Variants in SLC1A7 observed in about 807,000 individuals in gnomAD.
The protein encoded by SLC1A7 is solute carrier family 1 member 7.
In SLC1A7, 40 loss-of-function variants were observed where a neutral mutation model predicts 47.7. That is an observed-to-expected ratio of 0.84 (90% CI 0.65 to 1.09). The LOEUF (loss-of-function observed/expected upper bound fraction) is 1.09, where lower values mean the gene tolerates loss of function less well. Among genes scored for constraint, SLC1A7 ranks in the 50% least tolerant of loss-of-function variants. The pLI is 0.00. For missense variants in SLC1A7, 746 were observed against 769.5 expected, an observed-to-expected ratio of 0.97 and a Z score of 0.36; for synonymous variants, 323 against 325.6, an observed-to-expected ratio of 0.99 and a Z score of 0.09.
In SLC1A7 at chr1:53,127,951, G is replaced by A. The variant is rs182058084; in HGVS notation, c.215+6399C>T. On this transcript the variant is annotated intron_variant, in intron 2 of 10. Transcript: ENST00000371494. ...CTGAGCAGAGGACTCAGCCAAGCCCGCCCAGACTGCTGGCCCAGGGACTGA... is the reference window on the plus strand; with the variant it reads ...CTGAGCAGAGGACTCAGCCAAGCCCACCCAGACTGCTGGCCCAGGGACTGA... Among the ~76,000 whole-genome samples the A allele has an allele frequency of 1.9e-4, 29 of 152,312 alleles. No individual in the cohort carries two copies. In the East Asian group the frequency reaches 1.9e-3, roughly 10 times the overall value.
At chr1:53,121,471 C>CAGT (rs1264021220) in intron 2 of SLC1A7, among the ~76,000 whole-genome samples, 1 of 152,218 alleles carries the variant, frequency 6.6e-6, no homozygotes, top group Non-Finnish European at 1.5e-5. Flanking sequence ...ATGTCCTGGG[C>CAGT]AGTAGAGAGG....
chr1:53,109,929 G>A (rs1332596124), intron 3 of SLC1A7, among the ~76,000 whole-genome samples: 1 of 152,192 alleles, frequency 6.6e-6, no homozygotes, highest in Non-Finnish European at 1.5e-5. Context: ...GGAAGTGACT[G>A]TGCTCCTCCC....
In SLC1A7 at chr1:53,093,382, G is replaced by A. The variant is rs1644447172; in HGVS notation, c.797+79C>T. On this transcript the variant is annotated intron_variant, in intron 6 of 10. Coordinates refer to ENST00000371494, the MANE Select transcript of SLC1A7 (RefSeq NM_006671.6). ...GGCACAGCTTTCTGCTCACTTTACG[G>A]GAGAAGAGGGTGGGGTCTTGTCTTC... 4.4e-6 allele frequency: 5 copies of A among 1,147,036 alleles called. No individual in the cohort carries two copies. In the Admixed American group the frequency reaches 8.0e-5, roughly 18 times the overall value. 71.1% of individuals were successfully genotyped at this position (1,147,036 alleles called of 1,614,324 possible).
chr1:53,108,461 A>G (rs572658274), intron 3 of SLC1A7: 30 of 657,514 alleles, frequency 4.6e-5, no homozygotes, highest in South Asian at 4.5e-4. Flanking sequence ...CAGAAGTCCT[A>G]TTATGTTGTG....
chr1:53,088,838 TC>T (rs1644387558), intron 10 of SLC1A7, 38 bp downstream of exon 10: 1 of 1,553,612 alleles, frequency 6.4e-7, no homozygotes, highest in Non-Finnish European at 8.9e-7. Context: ...CCTGCGTGGC[TC>T]CACCCTCCTG....
intron 2 of SLC1A7, among the ~76,000 whole-genome samples, chr1:53,120,508 T>C (rs1359939962): frequency 6.6e-6 from 1 of 152,120 alleles, no homozygotes; most frequent in Non-Finnish European, 1.5e-5. Context: ...GCTCTCCTCC[T>C]CGTCCACTCT....
intron 3 of SLC1A7, among the ~76,000 whole-genome samples, chr1:53,113,781 C>T (rs568156951): frequency 1.2e-4 from 19 of 152,128 alleles, no homozygotes; most frequent in Non-Finnish European, 1.5e-4. Flanking sequence ...ACTTTGAGGC[C>T]GGTCCCCACC....
chr1:53,116,323 G>C (rs1292971835), intron 2 of SLC1A7: 1 of 152,374 alleles, frequency 6.6e-6, no homozygotes. Context: ...CACAGTCCCT[G>C]TGCCTCCCAC....
rs370448691 is a variant in SLC1A7, at chr1:53,096,814, C to T, written c.698-3254G>A. ...CATTGACACACCCTGCCTCAATACA[C>T]TCACAGATACCACCTCAGAACACTC... On this transcript the variant is annotated intron_variant, in intron 5 of 10. Coordinates refer to ENST00000371494, the MANE Select transcript of SLC1A7 (RefSeq NM_006671.6). Among the ~76,000 whole-genome samples the T allele has an allele frequency of 4.0e-5, 6 of 151,662 alleles. No individual in the cohort carries two copies. In the East Asian group the frequency reaches 1.2e-3, roughly 30 times the overall value.
intron 1 of SLC1A7, among the ~76,000 whole-genome samples, chr1:53,141,531 C>T (rs1473922012): frequency 6.6e-6 from 1 of 152,030 alleles, no homozygotes; most frequent in African/African-American, 2.4e-5. Flanking sequence ...TGGGGGCTGA[C>T]AGGGAAAGGG....
intron 3 of SLC1A7, chr1:53,108,474 G>A: frequency 1.5e-6 from 1 of 679,466 alleles, no homozygotes; most frequent in Non-Finnish European, 2.7e-6. Context: ...ATGTTGTGGG[G>A]ACCAAATGGG....
At position 53,117,274 on chromosome 1, in the gene SLC1A7, T is replaced by A. The variant is rs574727152; in HGVS notation, c.216-2301A>T. ...TATCTGAGGGTTAGTGACAGATTGG[T>A]GATAGAAGGGATAGAGAAGATAGGC... On this transcript the variant is annotated intron_variant, in intron 2 of 10. Coordinates refer to ENST00000371494, the MANE Select transcript of SLC1A7 (RefSeq NM_006671.6). Among the ~76,000 whole-genome samples, 8 of 151,998 alleles carry A rather than the reference T, an allele frequency of 5.3e-5. No individual in the cohort carries two copies. In the East Asian group the frequency reaches 1.6e-3, roughly 30 times the overall value.
chr1:53,107,977 T>A (rs1424472611), intron 3 of SLC1A7: 1 of 152,310 alleles, frequency 6.6e-6, no homozygotes, highest in African/African-American at 2.4e-5. Flanking sequence ...TATTTCCACC[T>A]GTCAAACTGA....
chr1:53,100,818 A>C (rs925701430), intron 5 of SLC1A7, among the ~76,000 whole-genome samples: 1 of 146,838 alleles, frequency 6.8e-6, no homozygotes, highest in African/African-American at 2.6e-5. Context: ...CCGCCTCAGT[A>C]CACTCACATC....
chr1:53,098,008 TCA>T (rs993746692), intron 5 of SLC1A7, among the ~76,000 whole-genome samples: 27 of 143,586 alleles, frequency 1.9e-4, no homozygotes, highest in African/African-American at 7.0e-4. Flanking sequence ...CTCGGTACAC[TCA>T]CAAACCCTGC....
At chr1:53,129,003 A>AC (rs1279254272) in intron 2 of SLC1A7, among the ~76,000 whole-genome samples, 2 of 139,722 alleles carry the variant, frequency 1.4e-5, no homozygotes, top group African/African-American at 5.3e-5. Flanking sequence ...ACATGGTGAA[A>AC]CCCCGTCTCT....
At chr1:53,134,310 C>A in intron 2 of SLC1A7, 40 bp downstream of exon 2, 1 of 1,496,276 alleles carries the variant, frequency 6.7e-7, no homozygotes, top group East Asian at 2.3e-5. Context: ...ATCCTCTACC[C>A]TCCTGGTTCC....
At chr1:53,136,347 C>T (rs1644993829) in intron 1 of SLC1A7, among the ~76,000 whole-genome samples, 1 of 147,948 alleles carries the variant, frequency 6.8e-6, no homozygotes, top group Non-Finnish European at 1.5e-5. Flanking sequence ...GTGCGCGCCA[C>T]TATGCCCGGC....
In SLC1A7 at chr1:53,103,146, G is replaced by T. The variant is rs548069448; in HGVS notation, c.697+200C>A. The T allele has an allele frequency of 5.8e-6, 3 of 520,712 alleles. No individual in the cohort carries two copies. In the East Asian group the frequency reaches 9.7e-5, roughly 17 times the overall value. 32.3% of individuals were successfully genotyped at this position (520,712 alleles called of 1,614,324 possible). A position where few individuals can be genotyped will look rare whatever the true frequency, so the allele number is the denominator to read the frequency against. On this transcript the variant is annotated intron_variant, in intron 5 of 10. Transcript: ENST00000371494. ...AAATGGCCCAGACGGGCCTGAGGGG[G>T]AGGTGCCAGGGGGAAGCCCCTGGGG...
Sources: allele counts gnomAD v4.1 joint callset (sites outside exome capture counted in the v4.1 genomes callset), GRCh38; gene constraint gnomAD v4.1.1; transcripts MANE v1.5; gene names NCBI Gene and HGNC (gene_info 2026-07-23, HGNC 2026-07-21).